The following TTC34 variants were observed in gnomAD, a reference collection of about 807,000 sequenced individuals.
The protein encoded by TTC34 is tetratricopeptide repeat domain 34.
In TTC34, 44 loss-of-function variants were observed where a neutral mutation model predicts 40.7. The ratio of observed to expected loss-of-function variants is 1.08; its 90% CI spans 0.85 to 1.39. The LOEUF (loss-of-function observed/expected upper bound fraction) is 1.39. Ranked by LOEUF, TTC34 falls within the 40% of genes most tolerant of loss-of-function variation. TTC34 has a pLI of 0.00. For missense variants in TTC34, 884 were observed against 838.0 expected (o/e 1.05, Z -0.68); for synonymous variants, 422 against 398.6 (o/e 1.06, Z -0.70).
intron 6 of TTC34, among the ~76,000 whole-genome samples, chr1:2,750,706 A>G (rs1305259242): frequency 3.2e-5 from 2 of 62,542 alleles, no homozygotes; most frequent in South Asian, 5.3e-4. Context: ...AGCATCCGAC[A>G]GCCTGGAGCA....
rs111243453 is a variant in TTC34 at position 2,685,190 on chromosome 1, C to T, written c.2227-39627G>A. ...GTGAGCATCTGACTGCCTGGAACAG[C>T]ACCCACACCCCCAGGTGAGCATCTG... is the stretch of plus-strand genomic sequence containing the variant. On this transcript the variant is annotated intron_variant, in intron 6 of 8. Coordinates refer to ENST00000401095, the Ensembl canonical transcript of TTC34. Among the ~76,000 whole-genome samples the T allele has an allele frequency of 7.1e-4, 96 of 135,508 alleles. 1 individual carries two copies. The highest frequency in any genetic ancestry group is 1.1e-3 in the Non-Finnish European group (70 of 64,432). 88.9% of individuals were successfully genotyped at this position (135,508 alleles called of 152,430 possible).
intron 6 of TTC34, chr1:2,775,643 C>G (rs150164265): frequency 6.7e-6 from 1 of 149,020 alleles, no homozygotes; most frequent in Non-Finnish European, 1.5e-5. Flanking sequence ...AGGTGAGCAT[C>G]TGACAGGATA....
chr1:2,642,342 C>T (rs926998154), intron 8 of TTC34, among the ~76,000 whole-genome samples: 1 of 152,170 alleles, frequency 6.6e-6, no homozygotes, highest in Non-Finnish European at 1.5e-5. Flanking sequence ...AGTCACCTCT[C>T]CATCGGGCCC....
intron 6 of TTC34, among the ~76,000 whole-genome samples, chr1:2,686,676 C>G (rs1570815066): frequency 6.7e-6 from 1 of 149,800 alleles, no homozygotes; most frequent in Non-Finnish European, 1.5e-5. Context: ...GGAACAGCAC[C>G]CTGCACCCCC....
At chr1:2,637,529 T>G (rs1435477537) in exon 9 of TTC34, 1 of 152,182 alleles carries the variant, frequency 6.6e-6, no homozygotes, top group Non-Finnish European at 1.5e-5. Context: ...GCCCACAGTG[T>G]TGTTGGGGGA....
intron 6 of TTC34, among the ~76,000 whole-genome samples, chr1:2,657,374 C>T (rs550896119): frequency 5.2e-5 from 5 of 95,488 alleles, no homozygotes; most frequent in Non-Finnish European, 1.1e-4. Context: ...TGGAGCAGCA[C>T]CCACACCCCG....
At chr1:2,692,394 GC>G (rs1640661547) in intron 6 of TTC34, among the ~76,000 whole-genome samples, 2 of 88,414 alleles carry the variant, frequency 2.3e-5, no homozygotes, top group African/African-American at 3.9e-5. Flanking sequence ...CCCCAGGTGA[GC>G]ATCTGGCAGC....
At chr1:2,688,779 C>A (rs1480531830) in intron 6 of TTC34, among the ~76,000 whole-genome samples, 10 of 81,184 alleles carry the variant, frequency 1.2e-4, no homozygotes, top group African/African-American at 5.6e-4. Context: ...CATCCCCAGG[C>A]GAGCATCTGA....
intron 6 of TTC34, among the ~76,000 whole-genome samples, chr1:2,695,853 A>AC (rs1640840423): frequency 6.7e-6 from 1 of 149,954 alleles, no homozygotes; most frequent in Non-Finnish European, 1.5e-5. Context: ...TGAACATCCG[A>AC]CAGCCTGGAG....
At chr1:2,691,900 T>C (rs1472317107) in intron 6 of TTC34, among the ~76,000 whole-genome samples, 1 of 50,440 alleles carries the variant, frequency 2.0e-5, no homozygotes, top group African/African-American at 6.1e-5. Context: ...AGCAGCAACC[T>C]GCACACCCAG....
intron 6 of TTC34, among the ~76,000 whole-genome samples, chr1:2,653,415 T>A (rs1445781669): frequency 2.2e-5 from 3 of 136,886 alleles, no homozygotes; most frequent in Non-Finnish European, 4.6e-5. Context: ...CACCCCCAGG[T>A]GAGCATCTGA....
chr1:2,694,268 A>C, intron 6 of TTC34, among the ~76,000 whole-genome samples: 8 of 107,898 alleles, frequency 7.4e-5, no homozygotes, highest in South Asian at 3.0e-4. Context: ...AGCACCCCAC[A>C]CCCCCAGGTG....
chr1:2,655,034 CCCGGAACAGCACG>C (rs1639292439), intron 6 of TTC34, among the ~76,000 whole-genome samples: 86 of 130,528 alleles, frequency 6.6e-4, no homozygotes, highest in East Asian at 4.7e-3. Context: ...CATCTGACAG[CCCGGAACAGCACG>C]CTGCACCCCC....
chr1:2,768,453 C>T lies in TTC34; in HGVS notation c.2226+15156G>A, dbSNP rs548750196. ...GCATCTGACAGCCTGGAACAGAACC[C>T]CACAACTTCAAATAAGAATTTGATA... On this transcript the variant is annotated intron_variant, in intron 6 of 8. Coordinates refer to ENST00000401095, the Ensembl canonical transcript of TTC34. Among the ~76,000 whole-genome samples, 68 of 151,358 alleles carry T rather than the reference C, an allele frequency of 4.5e-4. No homozygotes were observed. The East Asian group carries it at 6.1e-3, about 14-fold the overall frequency.
At chr1:2,686,909 G>T (rs547081012) in intron 6 of TTC34, among the ~76,000 whole-genome samples, 4 of 147,338 alleles carry the variant, frequency 2.7e-5, no homozygotes, top group Admixed American at 6.7e-5. Flanking sequence ...TGACAGCCTG[G>T]AACAGCACCC....
At chr1:2,799,224 A>G (rs548251659) in intron 2 of TTC34, among the ~76,000 whole-genome samples, 1 of 152,222 alleles carries the variant, frequency 6.6e-6, no homozygotes, top group South Asian at 2.1e-4. Flanking sequence ...CATTTTGCAC[A>G]TGGCAGCCAG....
intron 7 of TTC34, among the ~76,000 whole-genome samples, chr1:2,644,994 G>A (rs983638560): frequency 6.6e-6 from 1 of 152,296 alleles, no homozygotes; most frequent in South Asian, 2.1e-4. Context: ...ACGACTGGAG[G>A]TGCATGGATG....
At chr1:2,791,953 G>T (rs72849587) in intron 2 of TTC34, among the ~76,000 whole-genome samples, 9,132 of 137,772 alleles carry the variant, frequency 0.066, 625 homozygotes, top group African/African-American at 0.18. Context: ...TTCTACTGTC[G>T]CTAATATTTT....
intron 6 of TTC34, among the ~76,000 whole-genome samples, chr1:2,653,129 C>T (rs1254602350): frequency 9.3e-5 from 14 of 150,798 alleles, no homozygotes; most frequent in African/African-American, 3.5e-4. Flanking sequence ...ACCCACACCC[C>T]CAGGTGCGCA....
Sources: gnomAD v4.1 joint callset for allele counts (sites outside exome capture counted in the v4.1 genomes callset) on GRCh38, gnomAD v4.1.1 for gene constraint, MANE v1.5 for transcripts, NCBI Gene and HGNC (gene_info 2026-07-23, HGNC 2026-07-21) for gene names.